ITGA8: variants seen among roughly 807,000 people sequenced by gnomAD.
The protein encoded by ITGA8 is integrin subunit alpha 8.
ITGA8 carries 91 observed loss-of-function variants against 142.3 expected under a neutral mutation model. The observed-to-expected ratio is 0.64, with a 90% confidence interval of 0.54 to 0.76. The LOEUF (loss-of-function observed/expected upper bound fraction) is 0.76, where lower values mean the gene tolerates loss of function less well. Among genes scored for constraint, ITGA8 ranks in the 30% least tolerant of loss-of-function variants. The pLI is 0.00. For synonymous variants in ITGA8, 505 were observed against 485.2 expected (o/e 1.04, Z -0.54); for missense variants, 1,406 against 1,327.7 (o/e 1.06, Z -0.92).
rs1832954380 is a variant in ITGA8 at position 15,515,820 on chromosome 10, CAT to C, written c.*1336_*1337del. 1 of 151,820 alleles carries C rather than the reference CAT, an allele frequency of 6.6e-6. No homozygotes were observed. The highest frequency in any genetic ancestry group is 2.4e-5 in the African/African-American group (1 of 41,288). 9.4% of individuals were successfully genotyped at this position (151,820 alleles called of 1,614,324 possible). A position where few individuals can be genotyped will look rare whatever the true frequency, so the allele number is the denominator to read the frequency against. On this transcript the variant is annotated 3_prime_UTR_variant, in exon 30 of 30. Coordinates refer to ENST00000378076, the MANE Select transcript of ITGA8 (RefSeq NM_003638.3). ...ATGAATTATTTACAAGAGTTTTAAACATAAAAAATTTGTGATGGTTAAATTCA... is the reference window on the plus strand; with the variant it reads ...ATGAATTATTTACAAGAGTTTTAAACAAAAAATTTGTGATGGTTAAATTCA...
At chr10:15,702,735 C>T (rs1302385725) in intron 2 of ITGA8, among the ~76,000 whole-genome samples, 1 of 152,006 alleles carries the variant, frequency 6.6e-6, no homozygotes, top group Non-Finnish European at 1.5e-5. Context: ...TCCTTTTTTC[C>T]TTGTTTGCCA....
chr10:15,689,149 G>A (rs1834886288), intron 2 of ITGA8, among the ~76,000 whole-genome samples: 1 of 152,070 alleles, frequency 6.6e-6, no homozygotes, highest in South Asian at 2.1e-4. Context: ...AAAATGGCAG[G>A]ACACAAAATC....
intron 2 of ITGA8, among the ~76,000 whole-genome samples, chr10:15,707,961 G>GACACACACACACACACAC (rs138462340): frequency 6.2e-5 from 9 of 144,872 alleles, no homozygotes; most frequent in Non-Finnish European, 1.2e-4. Flanking sequence ...TGCACACACC[G>GACACACACACACACACAC]ACACACACAC....
At chr10:15,684,348 A>G (rs898833667) in intron 3 of ITGA8, among the ~76,000 whole-genome samples, 1 of 152,114 alleles carries the variant, frequency 6.6e-6, no homozygotes, top group African/African-American at 2.4e-5. Context: ...TACATGCAAA[A>G]AAAAATGAGT....
intron 28 of ITGA8, among the ~76,000 whole-genome samples, chr10:15,528,567 A>T (rs554120659): frequency 1.5e-3 from 197 of 135,714 alleles, no homozygotes; most frequent in African/African-American, 5.1e-3. Flanking sequence ...GAAAGCATGT[A>T]TCGGATTATT....
intron 25 of ITGA8, among the ~76,000 whole-genome samples, chr10:15,563,426 A>G (rs1335539905): frequency 6.7e-6 from 1 of 148,968 alleles, no homozygotes; most frequent in East Asian, 1.9e-4. Context: ...GTACATGTAG[A>G]TTTTGCTTTG....
At chr10:15,590,132 C>T (rs1170676352) in intron 22 of ITGA8, among the ~76,000 whole-genome samples, 1 of 152,096 alleles carries the variant, frequency 6.6e-6, no homozygotes, top group Non-Finnish European at 1.5e-5. Flanking sequence ...ATGTATATTC[C>T]AGTTCTTTCT....
rs2131526105 is a variant in ITGA8, at chr10:15,514,964, T to TC, written c.*2193dup. 6.6e-6 allele frequency: 1 copy of TC among 152,232 alleles called. No homozygotes were observed. Among genetic ancestry groups the TC allele is most frequent in the East Asian group, 1.9e-4 (1 of 5,162 alleles). 9.4% of individuals were successfully genotyped at this position (152,232 alleles called of 1,614,324 possible). A position where few individuals can be genotyped will look rare whatever the true frequency, so the allele number is the denominator to read the frequency against. ...TCTGCATAAACTATCTCAACAGGGGTCTTTTTTTATGTAACCCTAAGAGTT... is the reference window on the plus strand; with the variant it reads ...TCTGCATAAACTATCTCAACAGGGGTCCTTTTTTTATGTAACCCTAAGAGTT... On this transcript the variant is annotated 3_prime_UTR_variant, in exon 30 of 30. Transcript: ENST00000378076.
At chr10:15,622,606 A>AC (rs75552765) in intron 13 of ITGA8, among the ~76,000 whole-genome samples, 35,866 of 142,162 alleles carry the variant, frequency 0.25, 5,143 homozygotes, top group Non-Finnish European at 0.34. Context: ...ACAAAACAAA[A>AC]AAAAAACCAC....
chr10:15,634,785 G>A (rs537781156), intron 13 of ITGA8, among the ~76,000 whole-genome samples: 1 of 152,150 alleles, frequency 6.6e-6, no homozygotes, highest in South Asian at 2.1e-4. Flanking sequence ...ACTGTAGAGG[G>A]ACAAATGGTG....
chr10:15,687,893 C>T (rs771022510), intron 3 of ITGA8, 45 bp downstream of exon 3: 1 of 1,140,490 alleles, frequency 8.8e-7, no homozygotes, highest in Non-Finnish European at 1.3e-6. Context: ...TTCCAGTGCA[C>T]ACCATACTCC....
Position 15,647,011 on chromosome 10 carries a change from G to A in ITGA8, c.1042C>T (p.Arg348Cys), listed in dbSNP as rs747010112. ...TCTCTGGGGTTGCTCTCAAATTCAC[G>A]TTCCATAAAGAGAGGTGCCCCAACC... ...VLVGAPLFME[R>C]EFESNPREVG... is the part of the protein sequence containing the mutation. The change falls in exon 12 of 30, where the codon CGT becomes TGT. Residue 348 changes from arginine to cysteine, a missense_variant. Arg to Cys is a radical substitution (Grantham distance 180). Transcript: ENST00000378076. 6.2e-6 allele frequency: 10 copies of A among 1,613,816 alleles called. No individual in the cohort carries two copies. The highest frequency in any genetic ancestry group is 3.3e-5 in the South Asian group (3 of 91,052).
chr10:15,717,958 C>G (rs1835484378), intron 2 of ITGA8, among the ~76,000 whole-genome samples: 1 of 152,160 alleles, frequency 6.6e-6, no homozygotes, highest in Non-Finnish European at 1.5e-5. Flanking sequence ...TATCAAGGAC[C>G]ATTGTTCAAG....
intron 29 of ITGA8, among the ~76,000 whole-genome samples, chr10:15,518,847 A>G (rs956329705): frequency 4.6e-5 from 7 of 152,220 alleles, no homozygotes; most frequent in African/African-American, 1.4e-4. Flanking sequence ...TAAAAATCAG[A>G]ATTGACCTAT....
chr10:15,669,888 G>A (rs1407786090), intron 8 of ITGA8, among the ~76,000 whole-genome samples: 1 of 152,152 alleles, frequency 6.6e-6, no homozygotes, highest in Non-Finnish European at 1.5e-5. Flanking sequence ...TGTCTCAGAG[G>A]ACTACCCGGC....
At chr10:15,547,200 C>T (rs1448239875) in intron 27 of ITGA8, among the ~76,000 whole-genome samples, 1 of 152,110 alleles carries the variant, frequency 6.6e-6, no homozygotes, top group Non-Finnish European at 1.5e-5. Context: ...GGTTGTAACA[C>T]AGCAGTATCA....
intron 10 of ITGA8, among the ~76,000 whole-genome samples, chr10:15,657,575 G>A (rs1834210348): frequency 7.5e-6 from 1 of 132,642 alleles, no homozygotes; most frequent in Non-Finnish European, 1.5e-5. Flanking sequence ...CTGGTCATGA[G>A]CTCCAGGCCT....
At chr10:15,656,865 C>T (rs1023688774) in intron 10 of ITGA8, among the ~76,000 whole-genome samples, 14 of 152,180 alleles carry the variant, frequency 9.2e-5, no homozygotes, top group Admixed American at 7.2e-4. Context: ...AGAAAGCACA[C>T]GCCCCAGGAG....
intron 27 of ITGA8, among the ~76,000 whole-genome samples, chr10:15,545,942 G>C (rs1257249386): frequency 6.6e-6 from 1 of 152,126 alleles, no homozygotes; most frequent in East Asian, 1.9e-4. Context: ...TCCATGGTAT[G>C]TAATTCCTGT....
Sources: gnomAD v4.1 joint callset for allele counts (sites outside exome capture counted in the v4.1 genomes callset) on GRCh38, gnomAD v4.1.1 for gene constraint, MANE v1.5 for transcripts, NCBI Gene and HGNC (gene_info 2026-07-23, HGNC 2026-07-21) for gene names.